The following USP24 variants were observed in gnomAD, a reference collection of about 807,000 sequenced individuals.
USP24 encodes ubiquitin specific peptidase 24.
Under a neutral mutation model 361.6 loss-of-function variants are expected in USP24, and 97 were observed. That is an observed-to-expected ratio of 0.27 (90% CI 0.23 to 0.32). The LOEUF is 0.32. Among genes scored for constraint, USP24 ranks in the 10% least tolerant of loss-of-function variants. The pLI is 1.00. For missense variants in USP24, 2,353 were observed against 3,165.6 expected, an observed-to-expected ratio of 0.74 and a Z score of 6.16; for synonymous variants, 1,098 against 1,124.6, an observed-to-expected ratio of 0.98 and a Z score of 0.47.
rs999156328 is a variant in USP24, at chr1:55,158,960, A to G, written c.1145T>C (p.Ile382Thr). The G allele has an allele frequency of 5.6e-6, 9 of 1,599,866 alleles. No individual in the cohort carries two copies. The highest frequency in any genetic ancestry group is 2.3e-5 in the East Asian group (1 of 44,432). Residue 382 changes from isoleucine (I) to threonine (T), a missense_variant, in exon 10 of 68, where the codon ATT becomes ACT. By Grantham distance (89) the Ile-to-Thr change is moderately conservative (BLOSUM62 -1). Around this residue, in one of 8 missense-constraint regions of USP24, gnomAD observed 386 missense variants for 560.5 expected, o/e 0.69. Coordinates refer to ENST00000294383, the MANE Select transcript of USP24 (RefSeq NM_015306.3). ...AATATCTAGTCGAAGGTCATCCACA[A>G]TTGTCACCAGATCCGGTTGGAAGCG... ...CMRFQPDLVT[I>T]VDDLRLDILL... is the part of the protein sequence containing the mutation.
intron 21 of USP24, among the ~76,000 whole-genome samples, chr1:55,143,806 C>T (rs1296507378): frequency 6.6e-6 from 1 of 151,984 alleles, no homozygotes; most frequent in Admixed American, 6.6e-5. Flanking sequence ...CTGAGGAGTT[C>T]GAAGCTTAGG....
chr1:55,200,868 T>G (rs2100918072), intron 1 of USP24, among the ~76,000 whole-genome samples: 1 of 152,368 alleles, frequency 6.6e-6, no homozygotes, highest in Non-Finnish European at 1.5e-5. Context: ...TTTGTTTCTT[T>G]TAGCATCCAC....
At chr1:55,100,806 T>C (rs762996925) in intron 44 of USP24, 33 bp downstream of exon 44, 2 of 1,565,154 alleles carry the variant, frequency 1.3e-6, no homozygotes, top group South Asian at 1.2e-5. Context: ...ATATTTAACA[T>C]CTTTAAATCT....
chr1:55,148,713 T>A (rs953342033), intron 16 of USP24, 143 bp from the exon 17 acceptor site: 7 of 614,040 alleles, frequency 1.1e-5, no homozygotes, highest in Non-Finnish European at 1.7e-5. Context: ...TTAGAGCTTA[T>A]CTCCATGCAC....
intron 31 of USP24, among the ~76,000 whole-genome samples, chr1:55,131,510 A>C (rs1646591052): frequency 6.6e-6 from 1 of 152,208 alleles, no homozygotes; most frequent in African/African-American, 2.4e-5. Flanking sequence ...TTAATTTTTA[A>C]AATATTTGCT....
chr1:55,089,752 AG>A lies in USP24; in HGVS notation c.6555-13del. 1 of 1,560,958 alleles carries A rather than the reference AG, an allele frequency of 6.4e-7. No homozygotes were observed. The highest frequency in any genetic ancestry group is 1.2e-5 in the South Asian group (1 of 84,108). On this transcript the variant is annotated splice_polypyrimidine_tract_variant and intron_variant, in intron 54 of 67. Coordinates refer to ENST00000294383, the MANE Select transcript of USP24 (RefSeq NM_015306.3). ...CTTCAGTATCAACCCTTTAAAAAAA[AG>A]CAGATACAGCAATGTTAGGAGCATA... is the stretch of plus-strand genomic sequence containing the variant.
Position 55,124,643 on chromosome 1 carries a change from A to G in USP24, c.3961-15T>C. On this transcript the variant is annotated splice_polypyrimidine_tract_variant and intron_variant, in intron 34 of 67. Coordinates refer to ENST00000294383, the MANE Select transcript of USP24 (RefSeq NM_015306.3). ...ACTTCCATTGTCTAAAGAATGGAAC[A>G]AGTATTATGAGAAAGAGCAATACTT... 6.2e-7 allele frequency: 1 copy of G among 1,613,348 alleles called. No individual in the cohort carries two copies. The highest frequency in any genetic ancestry group is 1.3e-5 in the African/African-American group (1 of 75,036).
rs72662503 is a variant in USP24 at position 55,195,789 on chromosome 1, G to C, written c.325-17657C>G. ...TAAAGTGGTGGGTGCCAGGAGCTAG[G>C]GGGTAGGGGAAAGGAAAGGTTGTTG... On this transcript the variant is annotated intron_variant, in intron 1 of 67. Coordinates refer to ENST00000294383, the MANE Select transcript of USP24 (RefSeq NM_015306.3). Among the ~76,000 whole-genome samples, 427 of 152,268 alleles carry C rather than the reference G, an allele frequency of 2.8e-3. 3 individuals are homozygous for C. The highest frequency in any genetic ancestry group is 4.5e-3 in the Non-Finnish European group (304 of 68,012).
At chr1:55,098,428 C>T (rs2100497892) in intron 46 of USP24, 48 bp downstream of exon 46, 1 of 1,523,172 alleles carries the variant, frequency 6.6e-7, no homozygotes, top group Non-Finnish European at 9.0e-7. Flanking sequence ...AAACAAATCA[C>T]TTCAAAAGGA....
chr1:55,191,396 T>C (rs1304764697), intron 1 of USP24, among the ~76,000 whole-genome samples: 2 of 152,194 alleles, frequency 1.3e-5, no homozygotes, highest in Non-Finnish European at 2.9e-5. Flanking sequence ...ATAAATATGC[T>C]AGGAATTCAA....
intron 37 of USP24, among the ~76,000 whole-genome samples, chr1:55,121,191 T>C (rs1206063650): frequency 6.6e-6 from 1 of 152,180 alleles, no homozygotes; most frequent in Non-Finnish European, 1.5e-5. Flanking sequence ...TGTAACGTTG[T>C]TATAAACAAA....
At chr1:55,098,366 G>T in intron 46 of USP24, 110 bp downstream of exon 46, 1 of 997,570 alleles carries the variant, frequency 1.0e-6, no homozygotes, top group South Asian at 1.8e-5. Flanking sequence ...TAGATCTGTT[G>T]ACAGGGAGAG....
chr1:55,132,455 C>T, intron 31 of USP24, 90 bp downstream of exon 31: 1 of 1,400,092 alleles, frequency 7.1e-7, no homozygotes, highest in Non-Finnish European at 9.6e-7. Context: ...TAACAGAAAC[C>T]TATTTACTTA....
At chr1:55,116,589 C>A (rs959088999) in intron 38 of USP24, among the ~76,000 whole-genome samples, 6 of 150,988 alleles carry the variant, frequency 4.0e-5, no homozygotes, top group South Asian at 2.1e-4. Flanking sequence ...CCTAGCAACA[C>A]AAAACCTACC....
In USP24 at chr1:55,096,956, T is replaced by C; in HGVS notation, c.5932A>G (p.Arg1978Gly). 6.2e-7 allele frequency: 1 copy of C among 1,613,308 alleles called. No homozygotes were observed. The highest frequency in any genetic ancestry group is 8.5e-7 in the Non-Finnish European group (1 of 1,179,588). ...AGHYYSFIKD[R>G]RGCGKGKWYK... ...GCTGCCTCAGGAAACTCTTACCGCC[T>C]GTCCTTAATGAAGGAATAGTAGTGG... is the stretch of plus-strand genomic sequence containing the variant. Residue 1978 changes from arginine to glycine, a missense_variant, in exon 49 of 68, where the codon AGG becomes GGG. Physicochemically the swap from Arg to Gly is moderately radical, Grantham distance 125. Transcript: ENST00000294383.
At position 55,144,131 on chromosome 1, in the gene USP24, T is replaced by G. The variant is rs964592838; in HGVS notation, c.2435A>C (p.Gln812Pro). ...ATTTGAGAATAACGTACTTACCAAC[T>G]GAGCTCCTTGTCTTTTCAATCGATG... is the stretch of plus-strand genomic sequence containing the variant. ...CDHRLKRQGAQLYVEKLELIG... is the reference protein window; with the variant it reads ...CDHRLKRQGAPLYVEKLELIG... Residue 812 changes from glutamine to proline, a missense_variant, in exon 21 of 68, where the codon CAG becomes CCG. This residue lies in a region of USP24 where 949 missense variants were observed against 1,280.5 expected (regional missense o/e 0.74). Transcript: ENST00000294383. 2 of 1,606,182 alleles carry G rather than the reference T, an allele frequency of 1.2e-6. No individual in the cohort carries two copies. Among genetic ancestry groups the G allele is most frequent in the Non-Finnish European group, 8.5e-7 (1 of 1,176,902 alleles).
At chr1:55,079,778 A>T (rs1047650629) in intron 59 of USP24, 119 bp from the exon 60 acceptor site, 5 of 1,339,698 alleles carry the variant, frequency 3.7e-6, no homozygotes, top group Non-Finnish European at 4.9e-6. Context: ...GTACTCTCAC[A>T]GAGTACTCAC....
intron 20 of USP24, among the ~76,000 whole-genome samples, chr1:55,144,584 T>C (rs76159863): frequency 0.1 from 15,889 of 152,156 alleles, 1,096 homozygotes; most frequent in Non-Finnish European, 0.16. Flanking sequence ...AAATGGCCAA[T>C]AAGCACATAT....
intron 55 of USP24, among the ~76,000 whole-genome samples, chr1:55,087,949 C>T (rs1645288480): frequency 6.6e-6 from 1 of 152,176 alleles, no homozygotes; most frequent in Non-Finnish European, 1.5e-5. Context: ...GGAAAATAAG[C>T]TCGGCAGGTT....
Sources: allele counts gnomAD v4.1 joint callset (sites outside exome capture counted in the v4.1 genomes callset), GRCh38; gene constraint gnomAD v4.1.1; regional missense constraint gnomAD v4.1.1; transcripts MANE v1.5; gene names NCBI Gene and HGNC (gene_info 2026-07-23, HGNC 2026-07-21).